The following CPXM2 variants were observed in gnomAD, a reference collection of about 807,000 sequenced individuals.
CPXM2 encodes the protein carboxypeptidase X, M14 family member 2, also known as inactive carboxypeptidase-like protein X2.
CPXM2 carries 66 observed loss-of-function variants against 86.1 expected under a neutral mutation model. The observed-to-expected ratio is 0.77, with a 90% CI of 0.63 to 0.94. The LOEUF (loss-of-function observed/expected upper bound fraction) is 0.94, where lower values mean the gene tolerates loss of function less well. Ranked by LOEUF, CPXM2 falls within the 40% of genes least tolerant of loss-of-function variation. CPXM2 has a pLI of 0.00. For synonymous variants in CPXM2, 388 were observed against 400.2 expected, an observed-to-expected ratio of 0.97 and a Z score of 0.36; for missense variants, 948 against 1,026.3, an observed-to-expected ratio of 0.92 and a Z score of 1.04.
chr10:123,930,387 C>G (rs543400220), intron 2 of CPXM2, among the ~76,000 whole-genome samples: 2 of 152,194 alleles, frequency 1.3e-5, no homozygotes, highest in East Asian at 3.9e-4. Flanking sequence ...TTCCAGCAGC[C>G]CCATGACTCC....
chr10:123,852,483 T>C (rs1848623738), intron 3 of CPXM2, among the ~76,000 whole-genome samples: 1 of 152,194 alleles, frequency 6.6e-6, no homozygotes, highest in Non-Finnish European at 1.5e-5. Flanking sequence ...TCACCGCCCT[T>C]GACAGGCCTC....
intron 2 of CPXM2, among the ~76,000 whole-genome samples, chr10:123,916,294 T>C (rs1259837595): frequency 3.3e-5 from 5 of 151,934 alleles, no homozygotes; most frequent in Non-Finnish European, 7.4e-5. Context: ...ATCCATGGAG[T>C]AGGGGCCAGG....
intron 9 of CPXM2, 106 bp from the exon 10 acceptor site, chr10:123,767,258 A>C: frequency 2.0e-6 from 2 of 1,022,558 alleles, no homozygotes; most frequent in Non-Finnish European, 2.9e-6. Context: ...AATGTCTCTA[A>C]GCCTCTAGAT....
chr10:123,831,422 C>G (rs1848164153), intron 4 of CPXM2, among the ~76,000 whole-genome samples: 2 of 152,242 alleles, frequency 1.3e-5, no homozygotes. Context: ...CAGTATCGGA[C>G]AGCCAGGCAT....
At chr10:123,877,418 T>C (rs1325570951) in intron 2 of CPXM2, among the ~76,000 whole-genome samples, 1 of 152,236 alleles carries the variant, frequency 6.6e-6, no homozygotes, top group Admixed American at 6.5e-5. Context: ...CAGGTGTCTG[T>C]AGATTAGTTG....
At chr10:123,748,705 T>C (rs758665968) in intron 13 of CPXM2, among the ~76,000 whole-genome samples, 7 of 152,080 alleles carry the variant, frequency 4.6e-5, no homozygotes, top group Non-Finnish European at 1.0e-4. Context: ...CTAAATAAAA[T>C]GCCACATTAG....
intron 5 of CPXM2, among the ~76,000 whole-genome samples, chr10:123,798,399 T>G (rs1590012818): frequency 6.6e-6 from 1 of 151,916 alleles, no homozygotes; most frequent in Non-Finnish European, 1.5e-5. Context: ...CTAGAGAGCT[T>G]TGGGATTTCA....
chr10:123,906,246 G>A (rs1048308410), intron 2 of CPXM2, among the ~76,000 whole-genome samples: 3 of 152,168 alleles, frequency 2.0e-5, no homozygotes, highest in Non-Finnish European at 4.4e-5. Flanking sequence ...ACCTTACTGA[G>A]CCTCTGTGTC....
At chr10:123,940,437 T>A (rs11493073), upstream of CPXM2, among the ~76,000 whole-genome samples, 44,302 of 152,096 alleles carry the variant, frequency 0.29, 6,728 homozygotes, top group Middle Eastern at 0.37. Context: ...TGTGCCCTTG[T>A]CCCAGATCCA....
chr10:123,794,295 T>TC (rs1267088257), intron 6 of CPXM2, among the ~76,000 whole-genome samples: 3 of 152,042 alleles, frequency 2.0e-5, no homozygotes, highest in African/African-American at 7.2e-5. Context: ...AGTGACAACT[T>TC]CCCCCAAAGA....
At chr10:123,771,846 GCACT>G (rs1846640966) in intron 7 of CPXM2, among the ~76,000 whole-genome samples, 1 of 152,180 alleles carries the variant, frequency 6.6e-6, no homozygotes, top group Admixed American at 6.5e-5. Flanking sequence ...CCTTCACTCA[GCACT>G]CATTCTGTCT....
chr10:123,747,085 C>G (rs1372205607), intron 13 of CPXM2, 68 bp from the exon 14 acceptor site: 1 of 1,550,076 alleles, frequency 6.5e-7, no homozygotes, highest in Non-Finnish European at 8.8e-7. Flanking sequence ...CAGCCCTCCT[C>G]CAAGACCAGC....
chr10:123,832,961 C>G (rs1848196944), intron 4 of CPXM2, among the ~76,000 whole-genome samples: 1 of 152,160 alleles, frequency 6.6e-6, no homozygotes, highest in Admixed American at 6.5e-5. Flanking sequence ...GAGGAGGACA[C>G]AGAGTTCATC....
chr10:123,753,034 G>A (rs1050510093), intron 13 of CPXM2, among the ~76,000 whole-genome samples: 8 of 152,166 alleles, frequency 5.3e-5, no homozygotes, highest in South Asian at 4.1e-4. Context: ...ACAGTGCAGC[G>A]GGGAGGTGTG....
chr10:123,938,042 G>C (rs796998556), intron 2 of CPXM2, among the ~76,000 whole-genome samples: 5 of 152,104 alleles, frequency 3.3e-5, no homozygotes, highest in African/African-American at 1.2e-4. Flanking sequence ...AAGAAAATGA[G>C]TTTCTAGAAA....
At chr10:123,777,627 A>G (rs1846825318) in intron 7 of CPXM2, 1 of 153,308 alleles carries the variant, frequency 6.5e-6, no homozygotes, top group Admixed American at 6.5e-5. Context: ...ATTGTCACAG[A>G]ACACACCTGT....
intron 13 of CPXM2, chr10:123,752,325 T>A: frequency 1.0e-6 from 1 of 984,898 alleles, no homozygotes; most frequent in Non-Finnish European, 1.2e-6. Context: ...TGAAGCCTCA[T>A]GGTTCATGGC....
chr10:123,753,961 T>A (rs1846138281), intron 13 of CPXM2, among the ~76,000 whole-genome samples: 2 of 152,178 alleles, frequency 1.3e-5, no homozygotes, highest in African/African-American at 4.8e-5. Context: ...AATGACAGCA[T>A]CAAGAAAATA....
chr10:123,910,865 C>G (rs1217040268), intron 2 of CPXM2, among the ~76,000 whole-genome samples: 1 of 152,210 alleles, frequency 6.6e-6, no homozygotes, highest in African/African-American at 2.4e-5. Flanking sequence ...CTTGCCTCTT[C>G]CAGGTCTGGT....
Sources: allele counts gnomAD v4.1 joint callset (sites outside exome capture counted in the v4.1 genomes callset), GRCh38; gene constraint gnomAD v4.1.1; transcripts MANE v1.5; gene names NCBI Gene and HGNC (gene_info 2026-07-23, HGNC 2026-07-21).